The following CAB39 variants were observed in gnomAD, a reference collection of about 807,000 sequenced individuals.
The protein encoded by CAB39 is calcium-binding protein 39.
Under a neutral mutation model 40.0 loss-of-function variants are expected in CAB39, and 8 were observed. That is an observed-to-expected ratio of 0.20 (90% CI 0.12 to 0.36). CAB39 has a LOEUF of 0.36. Among genes scored for constraint, CAB39 ranks in the 10% least tolerant of loss-of-function variants. CAB39 has a pLI of 1.00. For missense variants in CAB39, 270 were observed against 401.1 expected (o/e 0.67, Z 2.79); for synonymous variants, 156 against 141.6 (o/e 1.10, Z -0.72).
At chr2:230,756,665 A>ATTTG (rs1559599792) in intron 1 of CAB39, among the ~76,000 whole-genome samples, 2 of 98,962 alleles carry the variant, frequency 2.0e-5, no homozygotes, top group Non-Finnish European at 3.7e-5. Flanking sequence ...CTGTTTGTTT[A>ATTTG]TTTATTTATT....
chr2:230,814,485 G>A (rs908046228), intron 7 of CAB39, among the ~76,000 whole-genome samples: 3 of 152,134 alleles, frequency 2.0e-5, no homozygotes, highest in Admixed American at 1.3e-4. Flanking sequence ...GGAGGGAGGC[G>A]ATGTGCGTGT....
intron 1 of CAB39, among the ~76,000 whole-genome samples, chr2:230,748,831 A>AAAAAATATATATATATATATAT (rs1386799920): frequency 7.0e-5 from 2 of 28,512 alleles, no homozygotes; most frequent in Admixed American, 6.5e-4. Flanking sequence ...AAAAAAAAAA[A>AAAAAATATATATATATATATAT]ATATATATAT....
At chr2:230,721,774 T>C (rs1286445347) in intron 1 of CAB39, among the ~76,000 whole-genome samples, 3 of 152,336 alleles carry the variant, frequency 2.0e-5, no homozygotes, top group African/African-American at 7.2e-5. Flanking sequence ...CTGCAGAGCT[T>C]GTCAGAGTTT....
At chr2:230,782,153 A>C (rs1695698108) in intron 2 of CAB39, among the ~76,000 whole-genome samples, 1 of 152,198 alleles carries the variant, frequency 6.6e-6, no homozygotes, top group Admixed American at 6.5e-5. Flanking sequence ...GGCATGAGCC[A>C]CCACTCCCGG....
At chr2:230,807,512 G>GC (rs762586532) in intron 5 of CAB39, among the ~76,000 whole-genome samples, 98 of 149,858 alleles carry the variant, frequency 6.5e-4, no homozygotes, top group Non-Finnish European at 1.2e-3. Flanking sequence ...GACTCTGAGT[G>GC]CCCCTTTCAA....
intron 5 of CAB39, among the ~76,000 whole-genome samples, chr2:230,807,375 G>T (rs41489545): frequency 0.043 from 6,586 of 151,742 alleles, 424 homozygotes; most frequent in African/African-American, 0.15. Flanking sequence ...CTGAGCTGGC[G>T]CTTAACAGTT....
At chr2:230,749,615 T>C (rs1420914731) in intron 1 of CAB39, among the ~76,000 whole-genome samples, 1 of 152,236 alleles carries the variant, frequency 6.6e-6, no homozygotes, top group African/African-American at 2.4e-5. Flanking sequence ...GTGTTTTCCC[T>C]TAAGAGGAGT....
At position 230,818,748 on chromosome 2, in the gene CAB39, G is replaced by GT; in HGVS notation, c.*46dup. On this transcript the variant is annotated 3_prime_UTR_variant, in exon 9 of 9. Coordinates refer to ENST00000258418, the MANE Select transcript of CAB39 (RefSeq NM_016289.4). ...GTTAAATCCAAATTCAGCATTTGCT[G>GT]TTAGCTATTCAGCATCAGGCACTCT... 1 of 1,496,584 alleles carries GT rather than the reference G, an allele frequency of 6.7e-7. No individual in the cohort carries two copies. Among genetic ancestry groups the GT allele is most frequent in the Non-Finnish European group, 9.3e-7 (1 of 1,080,092 alleles). 92.7% of individuals were successfully genotyped at this position (1,496,584 alleles called of 1,614,324 possible). A position where few individuals can be genotyped will look rare whatever the true frequency, so the allele number is the denominator to read the frequency against.
At chr2:230,788,385 CTT>C (rs1695832112) in intron 2 of CAB39, among the ~76,000 whole-genome samples, 1 of 151,904 alleles carries the variant, frequency 6.6e-6, no homozygotes, top group African/African-American at 2.4e-5. Context: ...CATTACACCT[CTT>C]TGAGCTATTG....
intron 1 of CAB39, among the ~76,000 whole-genome samples, chr2:230,739,656 A>G (rs952453015): frequency 6.6e-5 from 10 of 152,138 alleles, no homozygotes; most frequent in African/African-American, 1.9e-4. Flanking sequence ...CACCACGCCC[A>G]GCTAATTTTG....
chr2:230,773,381 TTGTA>T (rs568048587), intron 2 of CAB39, among the ~76,000 whole-genome samples: 365 of 149,622 alleles, frequency 2.4e-3, no homozygotes, highest in Admixed American at 4.6e-3. Flanking sequence ...GTGGAGTTCA[TTGTA>T]TGTCATTTAT....
intron 4 of CAB39, among the ~76,000 whole-genome samples, chr2:230,798,295 G>A (rs1199592903): frequency 6.6e-6 from 1 of 152,160 alleles, no homozygotes; most frequent in African/African-American, 2.4e-5. Flanking sequence ...CTATATGTTT[G>A]TAGACCTATT....
At chr2:230,749,218 A>T (rs75889268) in intron 1 of CAB39, among the ~76,000 whole-genome samples, 3,113 of 152,024 alleles carry the variant, frequency 0.02, 94 homozygotes, top group African/African-American at 0.071. Context: ...TGTAATCATT[A>T]TTTTTTATGC....
At chr2:230,727,398 G>GTGTGTGTGTGTGTGTGTGTGTGTT (rs760656084) in intron 1 of CAB39, among the ~76,000 whole-genome samples, 2 of 124,598 alleles carry the variant, frequency 1.6e-5, no homozygotes, top group Admixed American at 1.6e-4. Context: ...GTGTGTGTGT[G>GTGTGTGTGTGTGTGTGTGTGTGTT]TATTTTTTTT....
At chr2:230,720,113 C>T (rs1189937133) in intron 1 of CAB39, among the ~76,000 whole-genome samples, 1 of 152,172 alleles carries the variant, frequency 6.6e-6, no homozygotes, top group Non-Finnish European at 1.5e-5. Context: ...AGTCCTCAAG[C>T]CTCACATCAG....
rs1696439385 is a variant in CAB39 at position 230,818,282 on chromosome 2, CTG to C, written c.838-230_838-229del. The C allele has an allele frequency of 5.9e-6, 3 of 505,850 alleles. No individual in the cohort carries two copies. The South Asian group carries it at 9.3e-5, about 16-fold the overall frequency. The allele number at this position is 505,850 out of a possible 1,614,324, so 31.3% of individuals were successfully genotyped here. A position where few individuals can be genotyped will look rare whatever the true frequency, so the allele number is the denominator to read the frequency against. On this transcript the variant is annotated intron_variant, in intron 8 of 8. Coordinates refer to ENST00000258418, the MANE Select transcript of CAB39 (RefSeq NM_016289.4). ...CAAAGTCTGTATTTAATACTAAACA[CTG>C]TGTTGCAGGGCTGGCAGAATGAGTT...
intron 5 of CAB39, among the ~76,000 whole-genome samples, chr2:230,799,882 C>T (rs1276610526): frequency 6.6e-6 from 1 of 151,564 alleles, no homozygotes; most frequent in Non-Finnish European, 1.5e-5. Flanking sequence ...CACAGCTACT[C>T]GGGAGGCTGA....
chr2:230,815,555 G>T (rs1411697484), intron 7 of CAB39, among the ~76,000 whole-genome samples: 1 of 152,214 alleles, frequency 6.6e-6, no homozygotes, highest in Non-Finnish European at 1.5e-5. Flanking sequence ...GATAGCCTAG[G>T]TTAGTAGCTT....
intron 1 of CAB39, among the ~76,000 whole-genome samples, chr2:230,736,645 T>C (rs180897315): frequency 6.6e-5 from 10 of 152,330 alleles, no homozygotes; most frequent in Non-Finnish European, 1.2e-4. Flanking sequence ...GTGGATCCTT[T>C]ATTAATGCGA....
Sources: gnomAD v4.1 joint callset for allele counts (sites outside exome capture counted in the v4.1 genomes callset) on GRCh38, gnomAD v4.1.1 for gene constraint, MANE v1.5 for transcripts, NCBI Gene and HGNC (gene_info 2026-07-23, HGNC 2026-07-21) for gene names.